The following RDX variants were observed in gnomAD, a reference collection of about 807,000 sequenced individuals.
RDX encodes deafness, autosomal recessive 24.
A neutral mutation model predicts 83.7 loss-of-function variants in RDX; 32 were observed. The observed-to-expected ratio is 0.38, with a 90% CI of 0.29 to 0.51. The LOEUF is 0.51. Ranked by LOEUF, RDX falls within the 20% of genes least tolerant of loss-of-function variation. The probability of loss-of-function intolerance (pLI) is 0.87; values close to 1 mark genes in which losing one functional copy is unlikely to be tolerated. For synonymous variants in RDX, 229 were observed against 222.7 expected (o/e 1.03, Z -0.25); for missense variants, 600 against 689.9 (o/e 0.87, Z 1.46).
chr11:110,281,282 G>A (rs1265726769), intron 1 of RDX, among the ~76,000 whole-genome samples: 1 of 151,090 alleles, frequency 6.6e-6, no homozygotes, highest in Non-Finnish European at 1.5e-5. Flanking sequence ...ACAAGTAACT[G>A]ATTACCAATA....
chr11:110,179,053 G>A (rs1221091502), intron 15 of RDX, among the ~76,000 whole-genome samples: 1 of 152,166 alleles, frequency 6.6e-6, no homozygotes, highest in African/African-American at 2.4e-5. Context: ...GTACCAAATG[G>A]TGGAGCACAA....
At chr11:110,193,824 C>T (rs909788792) in intron 15 of RDX, among the ~76,000 whole-genome samples, 12 of 152,314 alleles carry the variant, frequency 7.9e-5, no homozygotes, top group African/African-American at 2.6e-4. Flanking sequence ...ACTCTCAATC[C>T]TTCACAGCTT....
chr11:110,251,757 G>A (rs544493292), intron 9 of RDX, among the ~76,000 whole-genome samples: 2 of 152,092 alleles, frequency 1.3e-5, no homozygotes, highest in Non-Finnish European at 2.9e-5. Context: ...TAATTTAAGA[G>A]CTTCAAAAAC....
intron 10 of RDX, 55 bp downstream of exon 10, chr11:110,247,644 ACTAT>A (rs1859162021): frequency 2.6e-6 from 4 of 1,564,312 alleles, no homozygotes; most frequent in Non-Finnish European, 3.5e-6. Context: ...AAAAAATACC[ACTAT>A]CTGACAACAG....
chr11:110,218,082 A>C (rs1864119721), intron 14 of RDX, among the ~76,000 whole-genome samples: 1 of 152,204 alleles, frequency 6.6e-6, no homozygotes. Context: ...ACAGATTTTC[A>C]CTTTACTAGG....
rs774479712 is a variant in RDX, at chr11:110,258,142, A to T, written c.515T>A (p.Ile172Lys). 4 of 1,611,330 alleles carry T rather than the reference A, an allele frequency of 2.5e-6. No individual in the cohort carries two copies. The highest frequency in any genetic ancestry group is 1.3e-5 in the African/African-American group (1 of 74,896). Residue 172 changes from isoleucine (I) to lysine (K), a missense_variant, in exon 6 of 14, where the codon ATA (isoleucine) becomes AAA (lysine). Coordinates refer to ENST00000645495, the MANE Select transcript of RDX (RefSeq NM_002906.4). ...TCTATGTTCTTCATGCCAGTTCTGT[A>T]TTCTTTCTTCCCACTGTTCTTTTGT... ...KLTKEQWEERIQNWHEEHRGM... is the reference protein window; with the variant it reads ...KLTKEQWEERKQNWHEEHRGM...
rs771646237 is a variant in RDX at position 110,236,183 on chromosome 11, T to C, written c.1260A>G (p.Glu420=). 1.6e-5 allele frequency: 26 copies of C among 1,611,316 alleles called. No homozygotes were observed. The highest frequency in any genetic ancestry group is 2.1e-5 in the Non-Finnish European group (25 of 1,178,380). The change falls in exon 12 of 14, where the codon GAA becomes GAG. Residue 420 remains glutamate, a synonymous_variant. Coordinates refer to ENST00000645495, the MANE Select transcript of RDX (RefSeq NM_002906.4). ...CAATCTTGGCAGTGAATTCAGCAAG[T>C]TCTGCTGCCTAAAGTAAACAATATA... ...QMKNQEQLAA[E]LAEFTAKIAL... is the part of the protein sequence containing the mutation.
chr11:110,193,875 G>A (rs1190488588), intron 15 of RDX, among the ~76,000 whole-genome samples: 1 of 152,126 alleles, frequency 6.6e-6, no homozygotes, highest in East Asian at 1.9e-4. Flanking sequence ...ATCTCTAATT[G>A]GGATTCTCTC....
chr11:110,200,332 ACT>A (rs1004497992), intron 14 of RDX: 2 of 152,406 alleles, frequency 1.3e-5, no homozygotes, highest in Non-Finnish European at 2.9e-5. Context: ...TTTCAGCCCT[ACT>A]CTCTCTGGTC....
At chr11:110,237,120 AATATATT>A (rs1864885469) in intron 11 of RDX, among the ~76,000 whole-genome samples, 1 of 149,068 alleles carries the variant, frequency 6.7e-6, no homozygotes, top group African/African-American at 2.5e-5. Context: ...ATATATCTAT[AATATATT>A]ATATAACTAT....
intron 3 of RDX, among the ~76,000 whole-genome samples, chr11:110,266,892 GTTT>G (rs1423599065): frequency 0.012 from 556 of 45,082 alleles, 6 homozygotes; most frequent in African/African-American, 0.068. Flanking sequence ...TTGGCCCTTG[GTTT>G]GTTTGTTTGT....
chr11:110,264,384 C>CAA, intron 4 of RDX, 150 bp from the exon 5 acceptor site: 1 of 628,130 alleles, frequency 1.6e-6, no homozygotes, highest in South Asian at 2.1e-5. Context: ...AATCTGTAAA[C>CAA]AAATATATGT....
Position 110,240,098 on chromosome 11 carries a change from T to G in RDX, c.1091-2446A>C, listed in dbSNP as rs575520270. The stretch of plus-strand genomic sequence containing the variant: ...AGGAAATCAATATATTGGAGATAGT[T>G]GTACTCCTACGTTTATTGCAGCACT... On this transcript the variant is annotated intron_variant, in intron 10 of 13. Transcript: ENST00000645495. 1.4e-4 allele frequency among the ~76,000 whole-genome samples: 22 copies of G among 152,356 alleles called. 1 individual carries two copies. In the South Asian group the frequency reaches 4.6e-3, roughly 32 times the overall value.
chr11:110,182,290 G>A (rs1015298208), intron 15 of RDX, among the ~76,000 whole-genome samples: 6 of 152,212 alleles, frequency 3.9e-5, no homozygotes, highest in East Asian at 3.8e-4. Context: ...GGACTTTGAG[G>A]AGGGTCAGAA....
At chr11:110,271,454 T>A (rs1428235470) in intron 3 of RDX, among the ~76,000 whole-genome samples, 1 of 152,210 alleles carries the variant, frequency 6.6e-6, no homozygotes, top group East Asian at 1.9e-4. Context: ...TATACCACCT[T>A]CCTCTGTCTT....
At chr11:110,180,533 C>T (rs11213292) in intron 15 of RDX, among the ~76,000 whole-genome samples, 113 of 152,344 alleles carry the variant, frequency 7.4e-4, no homozygotes, top group Non-Finnish European at 1.3e-3. Flanking sequence ...AGGCAGCACA[C>T]ACACAGCTCT....
At chr11:110,180,667 T>C (rs1357488136) in intron 15 of RDX, among the ~76,000 whole-genome samples, 1 of 152,048 alleles carries the variant, frequency 6.6e-6, no homozygotes, top group African/African-American at 2.4e-5. Flanking sequence ...TTTTTTTTTT[T>C]TTTGAGACAG....
chr11:110,194,730 G>A (rs190611484), intron 15 of RDX, among the ~76,000 whole-genome samples: 108 of 152,286 alleles, frequency 7.1e-4, no homozygotes, highest in African/African-American at 2.5e-3. Context: ...AATATTCCTT[G>A]ATATTAGACA....
chr11:110,208,812 T>G (rs1481715684), intron 14 of RDX, among the ~76,000 whole-genome samples: 1 of 151,882 alleles, frequency 6.6e-6, no homozygotes, highest in Non-Finnish European at 1.5e-5. Context: ...AAAAATTACC[T>G]GGGGGTAGTG....
Sources: allele counts gnomAD v4.1 joint callset (sites outside exome capture counted in the v4.1 genomes callset), GRCh38; gene constraint gnomAD v4.1.1; transcripts MANE v1.5; gene names NCBI Gene and HGNC (gene_info 2026-07-23, HGNC 2026-07-21).